ZNF407: variants seen among roughly 807,000 people sequenced by gnomAD.
The protein encoded by ZNF407 is zinc finger protein 407.
Under a neutral mutation model 131.2 loss-of-function variants are expected in ZNF407, and 17 were observed. That is an observed-to-expected ratio of 0.13 (90% confidence interval 0.09 to 0.19). The LOEUF (loss-of-function observed/expected upper bound fraction) is 0.19, where lower values mean the gene tolerates loss of function less well. ZNF407 is among the 10% of genes least tolerant of loss of function. ZNF407 has a pLI of 1.00. For missense variants in ZNF407, 2,681 were observed against 2,830.6 expected, an observed-to-expected ratio of 0.95 and a Z score of 1.20; for synonymous variants, 1,156 against 1,062.0, an observed-to-expected ratio of 1.09 and a Z score of -1.72.
At chr18:74,619,356 A>G (rs1160818734) in intron 1 of ZNF407, among the ~76,000 whole-genome samples, 5 of 152,200 alleles carry the variant, frequency 3.3e-5, no homozygotes, top group African/African-American at 4.8e-5. Context: ...CTGAAGCTTA[A>G]TGTTCTTTTT....
intron 1 of ZNF407, among the ~76,000 whole-genome samples, chr18:74,613,816 TA>T (rs1983167978): frequency 6.6e-6 from 1 of 152,190 alleles, no homozygotes; most frequent in Non-Finnish European, 1.5e-5. Context: ...CAAATCCACA[TA>T]GTTGTTTTAA....
intron 8 of ZNF407, among the ~76,000 whole-genome samples, chr18:75,002,599 G>A (rs903027866): frequency 3.3e-5 from 5 of 152,004 alleles, no homozygotes; most frequent in East Asian, 1.9e-4. Context: ...TCAGGAGATC[G>A]AGACCATCCT....
intron 5 of ZNF407, among the ~76,000 whole-genome samples, chr18:74,879,006 C>T (rs1277275206): frequency 6.6e-6 from 1 of 151,390 alleles, no homozygotes; most frequent in Non-Finnish European, 1.5e-5. Flanking sequence ...AAATCATACA[C>T]ATAAAAAAAT....
chr18:74,793,423 A>G (rs1969862527), intron 4 of ZNF407, among the ~76,000 whole-genome samples: 2 of 151,878 alleles, frequency 1.3e-5, no homozygotes, highest in Non-Finnish European at 1.5e-5. Context: ...TCCCACATTC[A>G]TAAGATCCAC....
chr18:74,871,840 C>A (rs1971091297), intron 4 of ZNF407, among the ~76,000 whole-genome samples: 1 of 150,804 alleles, frequency 6.6e-6, no homozygotes, highest in Admixed American at 6.6e-5. Context: ...AACATATAGT[C>A]ATATTTATTA....
chr18:74,816,041 A>G, intron 4 of ZNF407, among the ~76,000 whole-genome samples: 1 of 152,146 alleles, frequency 6.6e-6, no homozygotes, highest in East Asian at 1.9e-4. Context: ...GGATATGAAT[A>G]TTATTATGCT....
intron 4 of ZNF407, among the ~76,000 whole-genome samples, chr18:74,829,814 GTT>G (rs201358901): frequency 6.8e-6 from 1 of 146,404 alleles, no homozygotes; most frequent in Admixed American, 6.8e-5. Context: ...AAGAGAGCCT[GTT>G]TTTTTTTTTA....
intron 4 of ZNF407, among the ~76,000 whole-genome samples, chr18:74,867,287 C>T (rs1163021064): frequency 2.0e-5 from 3 of 152,116 alleles, no homozygotes; most frequent in Non-Finnish European, 4.4e-5. Context: ...ATACGATATA[C>T]GATAGACCTT....
chr18:74,672,480 C>T (rs62097630), intron 3 of ZNF407, among the ~76,000 whole-genome samples: 22 of 14,442 alleles, frequency 1.5e-3, no homozygotes, highest in South Asian at 0.014. Flanking sequence ...ATTGGAGCAC[C>T]GTTTGTCTGT....
chr18:74,997,101 T>G (rs557406112), intron 8 of ZNF407, among the ~76,000 whole-genome samples: 23 of 152,206 alleles, frequency 1.5e-4, no homozygotes, highest in Non-Finnish European at 4.4e-5. Context: ...AAGGCATGTG[T>G]AACAGATTTA....
At chr18:74,793,417 A>G (rs1969862365) in intron 4 of ZNF407, among the ~76,000 whole-genome samples, 1 of 151,922 alleles carries the variant, frequency 6.6e-6, no homozygotes, top group African/African-American at 2.4e-5. Flanking sequence ...GATTTCTCCC[A>G]CATTCATAAG....
chr18:74,792,185 T>C (rs1444778049), intron 4 of ZNF407, among the ~76,000 whole-genome samples: 1 of 152,122 alleles, frequency 6.6e-6, no homozygotes, highest in Non-Finnish European at 1.5e-5. Context: ...TTAAAGATAC[T>C]AATTTTTTAA....
At chr18:74,620,922 C>A (rs1174301822) in intron 1 of ZNF407, among the ~76,000 whole-genome samples, 2 of 152,144 alleles carry the variant, frequency 1.3e-5, no homozygotes, top group East Asian at 3.9e-4. Context: ...GCTGAAATGT[C>A]TGAGCCAAGC....
intron 4 of ZNF407, among the ~76,000 whole-genome samples, chr18:74,872,682 G>A (rs1971103992): frequency 6.6e-6 from 1 of 151,236 alleles, no homozygotes; most frequent in Non-Finnish European, 1.5e-5. Flanking sequence ...GCTTGAACTG[G>A]GAGGCAGAAG....
At chr18:74,803,395 T>G (rs1257806455) in intron 4 of ZNF407, among the ~76,000 whole-genome samples, 2 of 152,154 alleles carry the variant, frequency 1.3e-5, no homozygotes, top group Non-Finnish European at 2.9e-5. Context: ...AGGGAGACCC[T>G]GGAAACTTCC....
chr18:74,991,685 A>G (rs949902325), intron 8 of ZNF407, among the ~76,000 whole-genome samples: 3 of 152,166 alleles, frequency 2.0e-5, no homozygotes, highest in Non-Finnish European at 2.9e-5. Context: ...GTTGAGTTCT[A>G]TGTTCAGATT....
intron 8 of ZNF407, among the ~76,000 whole-genome samples, chr18:75,047,077 A>C (rs1394233632): frequency 6.6e-6 from 1 of 152,206 alleles, no homozygotes; most frequent in African/African-American, 2.4e-5. Context: ...TACATCTTAA[A>C]AATTGGACAA....
intron 4 of ZNF407, among the ~76,000 whole-genome samples, chr18:74,825,664 C>T (rs996925339): frequency 6.6e-6 from 1 of 152,112 alleles, no homozygotes; most frequent in Admixed American, 6.5e-5. Context: ...TGTGTGTCTG[C>T]AGTGCCTAGT....
intron 4 of ZNF407, among the ~76,000 whole-genome samples, chr18:74,860,874 G>A (rs1970928779): frequency 6.6e-6 from 1 of 151,998 alleles, no homozygotes; most frequent in Non-Finnish European, 1.5e-5. Flanking sequence ...TAACACTTAT[G>A]TATTACCATT....
Sources: gnomAD v4.1 joint callset for allele counts (sites outside exome capture counted in the v4.1 genomes callset) on GRCh38, gnomAD v4.1.1 for gene constraint, MANE v1.5 for transcripts, NCBI Gene and HGNC (gene_info 2026-07-23, HGNC 2026-07-21) for gene names.